Variants in CYP2J2 observed in about 807,000 individuals in gnomAD.
CYP2J2 encodes the protein cytochrome P450 2J2.
CYP2J2 carries 41 observed loss-of-function variants against 48.8 expected under a neutral mutation model. The observed-to-expected ratio is 0.84, with a 90% CI of 0.66 to 1.09. The LOEUF (loss-of-function observed/expected upper bound fraction) is 1.09. Among genes scored for constraint, CYP2J2 ranks in the 50% least tolerant of loss-of-function variants. The pLI, the probability that CYP2J2 is intolerant of heterozygous loss-of-function variation, is 0.00. For missense variants in CYP2J2, 644 were observed against 617.3 expected (o/e 1.04, Z -0.46); for synonymous variants, 221 against 227.1 (o/e 0.97, Z 0.24).
At chr1:59,911,930 G>A (rs1644419517) in intron 3 of CYP2J2, among the ~76,000 whole-genome samples, 162 bp from the exon 4 acceptor site, 2 of 152,166 alleles carry the variant, frequency 1.3e-5, no homozygotes, top group Non-Finnish European at 2.9e-5. Flanking sequence ...CAAGTATTCA[G>A]TCAACTCCAG....
At chr1:59,966,451 G>C in the CYP2J2 span, among the ~76,000 whole-genome samples, 1 of 152,118 alleles carries the variant, frequency 6.6e-6, no homozygotes, top group Non-Finnish European at 1.5e-5. Flanking sequence ...TTACAGATGA[G>C]GAAACTGAAA....
At chr1:59,926,796 AGCAGGCGACGGTCCCC>A (rs1448986458), upstream of CYP2J2, 2 of 1,519,724 alleles carry the variant, frequency 1.3e-6, no homozygotes, top group Non-Finnish European at 1.8e-6. Flanking sequence ...CGGCGGTCCC[AGCAGGCGACGGTCCCC>A]GCCCCGCCTC....
the CYP2J2 span, among the ~76,000 whole-genome samples, chr1:59,955,265 CATAT>C: frequency 4.2e-5 from 1 of 23,952 alleles, no homozygotes; most frequent in South Asian, 2.6e-3. Context: ...TATATATATC[CATAT>C]ATATATATCC....
At position 59,926,547 on chromosome 1, in the gene CYP2J2, T is replaced by TCC. The variant is rs767995837; in HGVS notation, c.198_199dup (p.Glu67GlyfsTer7). On this transcript the variant is annotated frameshift_variant, in exon 1 of 9. Coordinates refer to ENST00000371204, the MANE Select transcript of CYP2J2 (RefSeq NM_000775.4). LOFTEE classifies it high-confidence loss of function. ...TTCTCCCACTCCTACCAGCTGAACCTCCAGGTGCGACTGCTCGAAGTCCAC... is the reference window on the plus strand; with the variant it reads ...TTCTCCCACTCCTACCAGCTGAACCTCCCCAGGTGCGACTGCTCGAAGTCCAC... 13 of 1,613,876 alleles carry TCC rather than the reference T, an allele frequency of 8.1e-6. No homozygotes were observed. Among genetic ancestry groups the TCC allele is most frequent in the South Asian group, 1.1e-5 (1 of 91,066 alleles).
chr1:59,893,750 G>C lies in CYP2J2; in HGVS notation c.1410C>G (p.Thr470=). ...GCTTCTCATTGTTTGGGGGCCTGAA[G>C]GTAAATTTTTGCATAAGGGAAGTGA... ...IFFTSLMQKF[T]FRPPNNEKLS... The change falls in exon 9 of 9, where the codon ACC becomes ACG. Residue 470 remains threonine (T), a synonymous_variant. Transcript: ENST00000371204. 2 of 1,613,292 alleles carry C rather than the reference G, an allele frequency of 1.2e-6. No individual in the cohort carries two copies. Among genetic ancestry groups the C allele is most frequent in the South Asian group, 2.2e-5 (2 of 90,736 alleles).
chr1:59,943,906 T>C, the CYP2J2 span, among the ~76,000 whole-genome samples: 1 of 152,136 alleles, frequency 6.6e-6, no homozygotes, highest in Non-Finnish European at 1.5e-5. Flanking sequence ...GAAGCTTGAT[T>C]GTGGTATGCT....
chr1:59,909,091 A>G (rs867419537), intron 5 of CYP2J2, among the ~76,000 whole-genome samples: 17 of 152,196 alleles, frequency 1.1e-4, no homozygotes, highest in Non-Finnish European at 2.9e-5. Flanking sequence ...GGGGGATGAA[A>G]GGGCTGTATT....
the CYP2J2 span, among the ~76,000 whole-genome samples, chr1:59,962,827 T>A: frequency 6.6e-6 from 1 of 152,206 alleles, no homozygotes; most frequent in African/African-American, 2.4e-5. Flanking sequence ...GCATGACATC[T>A]GGCTCTACTA....
chr1:59,946,740 T>C, the CYP2J2 span, among the ~76,000 whole-genome samples: 1 of 152,198 alleles, frequency 6.6e-6, no homozygotes, highest in East Asian at 1.9e-4. Flanking sequence ...TTAGATTTCA[T>C]AAGGTAAAAA....
At chr1:59,911,522 C>A in intron 4 of CYP2J2, 86 bp downstream of exon 4, 3 of 1,014,632 alleles carry the variant, frequency 3.0e-6, no homozygotes, top group South Asian at 5.1e-5. Flanking sequence ...TTCAAAAACC[C>A]AAAAAAAACT....
rs370042195 is a variant in CYP2J2, at chr1:59,893,334, T to G, written c.*317A>C. The G allele has an allele frequency of 2.1e-5, 5 of 235,328 alleles. No individual in the cohort carries two copies. The East Asian group carries it at 3.5e-4, about 16-fold the overall frequency. The allele number at this position is 235,328 out of a possible 1,614,324, so 14.6% of individuals were successfully genotyped here. On this transcript the variant is annotated 3_prime_UTR_variant, in exon 9 of 9. Coordinates refer to ENST00000371204, the MANE Select transcript of CYP2J2 (RefSeq NM_000775.4). ...ATAGATAGAACTTTTATGATGTGTT[T>G]TATGGTTTACAAACCACTTAAAGCT...
intron 5 of CYP2J2, among the ~76,000 whole-genome samples, chr1:59,908,847 T>C (rs1644386691): frequency 6.6e-6 from 1 of 152,102 alleles, no homozygotes; most frequent in African/African-American, 2.4e-5. Context: ...GCCTATAATG[T>C]TGGAAAGTGA....
At chr1:59,911,562 C>A (rs141039465) in intron 4 of CYP2J2, 46 bp downstream of exon 4, 33 of 1,377,246 alleles carry the variant, frequency 2.4e-5, no homozygotes, top group Admixed American at 1.3e-4. Context: ...TGGCTGACAT[C>A]GGCCCCAATT....
the CYP2J2 span, among the ~76,000 whole-genome samples, chr1:59,966,986 T>TA: frequency 6.6e-6 from 1 of 152,234 alleles, no homozygotes; most frequent in South Asian, 2.1e-4. Context: ...CAGGCAAAAC[T>TA]ACTCCTCAAA....
At chr1:59,903,800 T>TCA (rs1644341152) in intron 7 of CYP2J2, among the ~76,000 whole-genome samples, 2 of 152,174 alleles carry the variant, frequency 1.3e-5, no homozygotes, top group Non-Finnish European at 2.9e-5. Context: ...GCATGGTGTC[T>TCA]CACAAAGAAA....
chr1:59,938,248 A>G, the CYP2J2 span, among the ~76,000 whole-genome samples: 2 of 152,204 alleles, frequency 1.3e-5, no homozygotes, highest in Non-Finnish European at 2.9e-5. Context: ...GAGACAAAGT[A>G]TGGAGAAAGA....
intron 3 of CYP2J2, 75 bp from the exon 4 acceptor site, chr1:59,911,843 A>G: frequency 1.4e-6 from 2 of 1,452,244 alleles, no homozygotes; most frequent in Non-Finnish European, 1.9e-6. Flanking sequence ...TCTACTTTAC[A>G]TGGCATAAGA....
the CYP2J2 span, among the ~76,000 whole-genome samples, chr1:59,936,851 A>T: frequency 8.5e-5 from 13 of 152,364 alleles, no homozygotes; most frequent in East Asian, 2.1e-3. Flanking sequence ...AGCAGATTAC[A>T]TACTAACTTT....
chr1:59,920,922 A>G (rs11572219), intron 1 of CYP2J2, among the ~76,000 whole-genome samples: 5,764 of 152,196 alleles, frequency 0.038, 368 homozygotes, highest in African/African-American at 0.13. Flanking sequence ...GGCTCAGACC[A>G]TTTTCCCCTA....
Sources: allele counts gnomAD v4.1 joint callset (sites outside exome capture counted in the v4.1 genomes callset), GRCh38; gene constraint gnomAD v4.1.1; transcripts MANE v1.5; gene names NCBI Gene and HGNC (gene_info 2026-07-23, HGNC 2026-07-21).